The following GRAMD4 variants were observed in gnomAD, a reference collection of about 807,000 sequenced individuals.
GRAMD4 encodes GRAM domain containing 4.
In GRAMD4, 25 loss-of-function variants were observed where a neutral mutation model predicts 83.9. The observed-to-expected ratio is 0.30, with a 90% CI of 0.22 to 0.42. GRAMD4 has a LOEUF of 0.42. Ranked by LOEUF, GRAMD4 falls within the 10% of genes least tolerant of loss-of-function variation. The probability of loss-of-function intolerance (pLI) is 1.00; values close to 1 mark genes in which losing one functional copy is unlikely to be tolerated. For synonymous variants in GRAMD4, 336 were observed against 320.9 expected, an observed-to-expected ratio of 1.05 and a Z score of -0.50; for missense variants, 593 against 788.7, an observed-to-expected ratio of 0.75 and a Z score of 2.97.
chr22:46,666,302 G>A (rs1347754560), intron 9 of GRAMD4, among the ~76,000 whole-genome samples: 1 of 152,208 alleles, frequency 6.6e-6, no homozygotes, highest in African/African-American at 2.4e-5. Context: ...TTAGCCTGCG[G>A]TTACCCCTGG....
chr22:46,608,152 T>G (rs1216881177), intron 1 of GRAMD4, among the ~76,000 whole-genome samples: 2 of 152,236 alleles, frequency 1.3e-5, no homozygotes, highest in African/African-American at 4.8e-5. Flanking sequence ...TGCTCCTTGT[T>G]CTTGTTCCCT....
At chr22:46,641,247 A>C (rs949215519) in intron 3 of GRAMD4, among the ~76,000 whole-genome samples, 1 of 152,010 alleles carries the variant, frequency 6.6e-6, no homozygotes, top group African/African-American at 2.4e-5. Context: ...TAATTTTTGT[A>C]TTTTTAATAG....
chr22:46,623,942 CAGCTAATTTTTGTAT>C (rs1455604645), intron 1 of GRAMD4, among the ~76,000 whole-genome samples: 1 of 151,922 alleles, frequency 6.6e-6, no homozygotes, highest in Non-Finnish European at 1.5e-5. Context: ...TCACCTCGCC[CAGCTAATTTTTGTAT>C]TTTAAGCAGA....
intron 1 of GRAMD4, among the ~76,000 whole-genome samples, chr22:46,605,829 C>A (rs1388416146): frequency 6.9e-6 from 1 of 144,830 alleles, no homozygotes; most frequent in Non-Finnish European, 1.5e-5. Context: ...GGTTTATGGC[C>A]GGTGCTGAGC....
chr22:46,653,205 C>T (rs551174322), intron 3 of GRAMD4, among the ~76,000 whole-genome samples: 1 of 152,372 alleles, frequency 6.6e-6, no homozygotes, highest in South Asian at 2.1e-4. Context: ...CCGAGGAGCC[C>T]TGTCTGCAAG....
At chr22:46,668,235 ACGCCGGCCAGGGGTAGGTCTC>A (rs2082440709) in intron 11 of GRAMD4, 68 bp downstream of exon 11, 2 of 1,133,956 alleles carry the variant, frequency 1.8e-6, no homozygotes, top group Non-Finnish European at 2.6e-6. Context: ...GGGTGTGTCT[ACGCCGGCCAGGGGTAGGTCTC>A]CGCCGGCCTC....
chr22:46,658,502 T>G (rs1455735944), intron 4 of GRAMD4, among the ~76,000 whole-genome samples, 195 bp downstream of exon 4: 2 of 151,900 alleles, frequency 1.3e-5, no homozygotes, highest in Non-Finnish European at 2.9e-5. Flanking sequence ...TGAGCTGTGG[T>G]CTTGGGAATG....
chr22:46,627,313 G>A (rs1002535398), intron 2 of GRAMD4, among the ~76,000 whole-genome samples: 5 of 152,244 alleles, frequency 3.3e-5, no homozygotes, highest in South Asian at 2.1e-4. Context: ...TCTGGAAGCC[G>A]CTGGTGCCTG....
At position 46,648,895 on chromosome 22, in the gene GRAMD4, G is replaced by C. The variant is rs866492764; in HGVS notation, c.284-9292G>C. Among the ~76,000 whole-genome samples, 90 of 131,498 alleles carry C rather than the reference G, an allele frequency of 6.8e-4. 4 individuals are homozygous for C. Among genetic ancestry groups the C allele is most frequent in the Non-Finnish European group, 9.2e-4 (57 of 62,264 alleles). 86.3% of individuals were successfully genotyped at this position (131,498 alleles called of 152,430 possible). On this transcript the variant is annotated intron_variant, in intron 3 of 18. Coordinates refer to ENST00000406902, the MANE Select transcript of GRAMD4 (RefSeq NM_015124.5). ...GGATGGATGGATGGATGGATGGATG[G>C]ATGCATGGATGGATGGATGGATGGA...
downstream of GRAMD4, among the ~76,000 whole-genome samples, chr22:46,680,580 AT>A (rs2082657196): frequency 7.3e-6 from 1 of 137,234 alleles, no homozygotes; most frequent in Non-Finnish European, 1.6e-5. Flanking sequence ...CCATCCATCC[AT>A]CCATCCATCC....
In GRAMD4 at chr22:46,664,600, C is replaced by G. The variant is rs147281878; in HGVS notation, c.717+483C>G. Among the ~76,000 whole-genome samples, 833 of 152,342 alleles carry G rather than the reference C, an allele frequency of 5.5e-3. 6 individuals are homozygous for G. The highest frequency in any genetic ancestry group is 0.017 in the Middle Eastern group (5 of 294). On this transcript the variant is annotated intron_variant, in intron 8 of 18. Coordinates refer to ENST00000406902, the MANE Select transcript of GRAMD4 (RefSeq NM_015124.5). ...AGGGCCTTGGGGAAAAGGTGCCCAG[C>G]CGTCCTGCCTGGAACTGCCCTGCAG...
intron 1 of GRAMD4, among the ~76,000 whole-genome samples, chr22:46,602,762 CTTT>C (rs534249203): frequency 8.2e-6 from 1 of 121,446 alleles, no homozygotes; most frequent in Non-Finnish European, 1.6e-5. Context: ...CCATTTTTCT[CTTT>C]TTTTTTTTTT....
At position 46,677,870 on chromosome 22, in the gene GRAMD4, CGGGAACAGAGA is replaced by C; in HGVS notation, c.*623_*633del. The C allele has an allele frequency of 1.0e-6, 1 of 985,234 alleles. No individual in the cohort carries two copies. Among genetic ancestry groups the C allele is most frequent in the South Asian group, 4.7e-5 (1 of 21,284 alleles). 61.0% of individuals were successfully genotyped at this position (985,234 alleles called of 1,614,324 possible). A position where few individuals can be genotyped will look rare whatever the true frequency, so the allele number is the denominator to read the frequency against. ...CTGCCTGCGCTCCACACTCGCTCCACGGGAACAGAGAGGGTGAGAAGGGCCCACCCCTCGCC... is the reference window on the plus strand; with the variant it reads ...CTGCCTGCGCTCCACACTCGCTCCACGGGTGAGAAGGGCCCACCCCTCGCC... On this transcript the variant is annotated 3_prime_UTR_variant, in exon 19 of 19. Coordinates refer to ENST00000406902, the MANE Select transcript of GRAMD4 (RefSeq NM_015124.5).
chr22:46,639,411 G>A (rs1167240568), intron 3 of GRAMD4, among the ~76,000 whole-genome samples: 1 of 149,794 alleles, frequency 6.7e-6, no homozygotes, highest in African/African-American at 2.5e-5. Flanking sequence ...TGTGTGCAGT[G>A]TTAGTTAATC....
upstream of GRAMD4, among the ~76,000 whole-genome samples, chr22:46,617,885 T>C (rs528113953): frequency 4.9e-4 from 75 of 152,338 alleles, no homozygotes; most frequent in African/African-American, 1.5e-3. Flanking sequence ...AGGGAAGGAA[T>C]TCAGGTTTCT....
chr22:46,594,192 A>G (rs1247966567), intron 1 of GRAMD4, among the ~76,000 whole-genome samples: 1 of 120,992 alleles, frequency 8.3e-6, no homozygotes, highest in Admixed American at 8.6e-5. Context: ...CTCCTGCCCC[A>G]GCTCTGTGTG....
At chr22:46,636,042 G>A (rs900028080) in intron 2 of GRAMD4, among the ~76,000 whole-genome samples, 5 of 152,014 alleles carry the variant, frequency 3.3e-5, no homozygotes, top group Admixed American at 1.3e-4. Context: ...TCATGGGGAC[G>A]TTTAGCCCCC....
Position 46,673,702 on chromosome 22 carries a change from C to G in GRAMD4, c.1272C>G (p.Pro424=), listed in dbSNP as rs2082549324. 6.2e-7 allele frequency: 1 copy of G among 1,612,846 alleles called. No homozygotes were observed. The highest frequency in any genetic ancestry group is 8.5e-7 in the Non-Finnish European group (1 of 1,179,864). The change falls in exon 15 of 19, where the codon CCC becomes CCG. Residue 424 remains proline, a synonymous_variant. Coordinates refer to ENST00000406902, the MANE Select transcript of GRAMD4 (RefSeq NM_015124.5). ...CGACCTCGTCACGGAGCTACGTACC[C>G]AGCGCACCGGCCGGCCTGGGTAAAG... ...LQTTSSRSYV[P]SAPAGLGKEE...
At chr22:46,636,822 G>A (rs1257193563) in intron 2 of GRAMD4, among the ~76,000 whole-genome samples, 2 of 152,202 alleles carry the variant, frequency 1.3e-5, no homozygotes, top group African/African-American at 4.8e-5. Flanking sequence ...TGGAACGGCC[G>A]CCTGTGCCCA....
Sources: allele counts gnomAD v4.1 joint callset (sites outside exome capture counted in the v4.1 genomes callset), GRCh38; gene constraint gnomAD v4.1.1; transcripts MANE v1.5; gene names NCBI Gene and HGNC (gene_info 2026-07-23, HGNC 2026-07-21).